LAMA5: variants seen among roughly 807,000 people sequenced by gnomAD.
The protein encoded by LAMA5 is laminin subunit alpha 5, also known as laminin subunit alpha-5.
Under a neutral mutation model 433.4 loss-of-function variants are expected in LAMA5, and 260 were observed. That is an observed-to-expected ratio of 0.60 (90% CI 0.54 to 0.66). The LOEUF (loss-of-function observed/expected upper bound fraction) is 0.66. Among genes scored for constraint, LAMA5 ranks in the 30% least tolerant of loss-of-function variants. LAMA5 has a pLI of 0.00. For synonymous variants in LAMA5, 2,620 were observed against 2,226.6 expected, an observed-to-expected ratio of 1.18 and a Z score of -4.97; for missense variants, 5,378 against 5,258.5, an observed-to-expected ratio of 1.02 and a Z score of -0.70.
chr20:62,346,400 C>T, intron 9 of LAMA5, 106 bp downstream of exon 9: 1 of 1,380,668 alleles, frequency 7.2e-7, no homozygotes, highest in Non-Finnish European at 9.8e-7. Context: ...CTGGGCTGGC[C>T]TGGAAGCTCA....
rs1157262739 is a variant in LAMA5 at position 62,314,922 on chromosome 20, G to A, written c.8073C>T (p.Pro2691=). The A allele has an allele frequency of 2.5e-6, 4 of 1,606,086 alleles. No individual in the cohort carries two copies. The highest frequency in any genetic ancestry group is 2.2e-5 in the South Asian group (2 of 90,940). The part of the protein sequence containing the change: ...HSVSTLEKTL[P]QLLAKLSILE... ...GGATGCTCAGCTTGGCCAGCAGCTG[G>A]GGCAGCGTCTTCTCCAGGGTGGACA... is the stretch of plus-strand genomic sequence containing the variant. The change falls in exon 60 of 80, where the codon CCC becomes CCT. Residue 2691 remains proline, a synonymous_variant. Transcript: ENST00000252999.
chr20:62,340,004 G>A (rs1037325746), intron 11 of LAMA5, among the ~76,000 whole-genome samples: 12 of 152,204 alleles, frequency 7.9e-5, no homozygotes, highest in Non-Finnish European at 1.8e-4. Context: ...GCTGTGTGCA[G>A]GGAGCTGGGG....
chr20:62,314,210 G>A lies in LAMA5; in HGVS notation c.8504+94C>T, dbSNP rs1986680847. On this transcript the variant is annotated intron_variant, in intron 62 of 79. Transcript: ENST00000252999. ...GGGTGGCGAGTGGGCATGGAGAGGT[G>A]AAGGGTGGTGGGTGCACACGGAGAG... 20 of 1,466,468 alleles carry A rather than the reference G, an allele frequency of 1.4e-5. No individual in the cohort carries two copies. The South Asian group carries it at 2.3e-4, about 17-fold the overall frequency. 90.8% of individuals were successfully genotyped at this position (1,466,468 alleles called of 1,614,324 possible).
intron 50 of LAMA5, 75 bp from the exon 51 acceptor site, chr20:62,319,870 G>A (rs1987484147): frequency 8.5e-7 from 1 of 1,180,204 alleles, no homozygotes; most frequent in African/African-American, 1.5e-5. Context: ...CCTGGGGTCT[G>A]GGGGAGCGCC....
chr20:62,313,993 GCA>G lies in LAMA5; in HGVS notation c.8505-193_8505-192del, dbSNP rs1348267750. On this transcript the variant is annotated intron_variant, in intron 62 of 79. Coordinates refer to ENST00000252999, the MANE Select transcript of LAMA5 (RefSeq NM_005560.6). ...GGGCACAGAGACGGGTGGCGAGTGG[GCA>G]CAGAGACGAGGGGTGGCGAGTGGGC... Among the ~76,000 whole-genome samples, 3 of 117,050 alleles carry G rather than the reference GCA, an allele frequency of 2.6e-5. 1 individual carries two copies. The highest frequency in any genetic ancestry group is 1.0e-4 in the African/African-American group (3 of 29,542). 76.8% of individuals were successfully genotyped at this position (117,050 alleles called of 152,430 possible).
At chr20:62,321,989 G>A in intron 48 of LAMA5, 30 bp downstream of exon 48, 1 of 1,590,134 alleles carries the variant, frequency 6.3e-7, no homozygotes, top group South Asian at 1.1e-5. Flanking sequence ...ACTCCATCAG[G>A]TGTGGGGAAG....
intron 74 of LAMA5, 23 bp downstream of exon 74, chr20:62,310,879 C>A: frequency 6.2e-7 from 1 of 1,607,370 alleles, no homozygotes; most frequent in East Asian, 2.2e-5. Context: ...CTGCCCACCA[C>A]CTTCCTTCTT....
At chr20:62,362,870 A>C (rs1450369028) in intron 1 of LAMA5, among the ~76,000 whole-genome samples, 1 of 113,634 alleles carries the variant, frequency 8.8e-6, no homozygotes, top group Non-Finnish European at 2.0e-5. Context: ...CTACGTGGTA[A>C]GGGGGGGGGT....
At chr20:62,323,063 A>C in intron 45 of LAMA5, among the ~76,000 whole-genome samples, 1 of 81,908 alleles carries the variant, frequency 1.2e-5, no homozygotes. Flanking sequence ...GGGAGAGGGG[A>C]TGTGATCGTG....
chr20:62,350,358 C>G (rs545338172), intron 6 of LAMA5, among the ~76,000 whole-genome samples: 2 of 152,256 alleles, frequency 1.3e-5, no homozygotes, highest in African/African-American at 4.8e-5. Flanking sequence ...GGGCCCACAG[C>G]TCCTGGCAAA....
In LAMA5 at chr20:62,330,038, C is replaced by T. The variant is rs546530810; in HGVS notation, c.3980-122G>A. ...GCCCGCTGGCCAACGGCCACAGGCA[C>T]GGGACGTGCCCAAGAGGTCTGCAAG... On this transcript the variant is annotated intron_variant, in intron 31 of 79. Transcript: ENST00000252999. 163 of 1,375,128 alleles carry T rather than the reference C, an allele frequency of 1.2e-4. 4 individuals carry two copies. In the South Asian group the frequency reaches 1.8e-3, roughly 16 times the overall value. The allele number at this position is 1,375,128 out of a possible 1,614,324, so 85.2% of individuals were successfully genotyped here. A position where few individuals can be genotyped will look rare whatever the true frequency, so the allele number is the denominator to read the frequency against.
chr20:62,337,051 G>A, intron 16 of LAMA5: 2 of 658,004 alleles, frequency 3.0e-6, no homozygotes, highest in South Asian at 1.5e-5. Flanking sequence ...CACACGCAGT[G>A]TGTGACACAC....
At chr20:62,345,491 C>T (rs934323270) in intron 11 of LAMA5, 34 of 449,862 alleles carry the variant, frequency 7.6e-5, no homozygotes, top group Admixed American at 6.3e-4. Flanking sequence ...ACTGCAGCTT[C>T]GGCCTTCCAG....
Position 62,310,502 on chromosome 20 carries a change from C to T in LAMA5, c.10517G>A (p.Arg3506Gln), listed in dbSNP as rs769834116. The T allele has an allele frequency of 1.2e-5, 18 of 1,560,216 alleles. No individual in the cohort carries two copies. Among genetic ancestry groups the T allele is most frequent in the South Asian group, 9.9e-5 (8 of 80,988 alleles). ...LHGRPLGAPT[R>Q]MAGVTPCILG... ...GATGCAGGGTGTGACCCCTGCCATC[C>T]GTGTGGGGGCCCCCAGGGGCCTCCC... The change falls in exon 76 of 80, where the codon CGG (arginine) becomes CAG (glutamine). Residue 3506 changes from arginine (R) to glutamine (Q), a missense_variant. Arg to Gln is a conservative substitution (Grantham distance 43). Transcript: ENST00000252999.
chr20:62,352,048 C>G lies in LAMA5; in HGVS notation c.719G>C (p.Gly240Ala), dbSNP rs756618172. The change falls in exon 5 of 80, where the codon GGC (glycine) becomes GCC (alanine). Residue 240 changes from glycine (G) to alanine (A), a missense_variant. Physicochemically the swap from Gly to Ala is moderately conservative, Grantham distance 60 (BLOSUM62 0). Transcript: ENST00000252999. ...CGGCGAGTAGGAGAAATTCATGGCG[C>G]CCGGACGTCCGTTCACCAGGGACAC... ...IVVSLVNGRP[G>A]AMNFSYSPLL... 36 of 1,612,276 alleles carry G rather than the reference C, an allele frequency of 2.2e-5. No homozygotes were observed. The highest frequency in any genetic ancestry group is 2.7e-5 in the Non-Finnish European group (32 of 1,179,912).
chr20:62,355,888 C>T (rs1985141188), intron 2 of LAMA5, among the ~76,000 whole-genome samples: 1 of 152,164 alleles, frequency 6.6e-6, no homozygotes, highest in African/African-American at 2.4e-5. Flanking sequence ...GGCAACACAG[C>T]CCCTCCCACC....
chr20:62,334,099 C>G (rs531170689), intron 22 of LAMA5, 60 bp from the exon 23 acceptor site: 2 of 1,588,642 alleles, frequency 1.3e-6, no homozygotes, highest in African/African-American at 2.7e-5. Flanking sequence ...GAGGCCTGGG[C>G]CTTCAAGGGG....
At chr20:62,345,528 T>C in intron 11 of LAMA5, 1 of 538,666 alleles carries the variant, frequency 1.9e-6, no homozygotes, top group Non-Finnish European at 3.5e-6. Flanking sequence ...CACCTCAGCC[T>C]CCGGAGTAGC....
intron 45 of LAMA5, 34 bp downstream of exon 45, chr20:62,323,421 TC>T (rs1260250566): frequency 3.4e-6 from 5 of 1,485,580 alleles, no homozygotes; most frequent in Non-Finnish European, 3.6e-6. Context: ...CGCGCAACCC[TC>T]CCCAGGGTGC....
Sources: gnomAD v4.1 joint callset for allele counts (sites outside exome capture counted in the v4.1 genomes callset) on GRCh38, gnomAD v4.1.1 for gene constraint, MANE v1.5 for transcripts, NCBI Gene and HGNC (gene_info 2026-07-23, HGNC 2026-07-21) for gene names.